Variants in NSRP1 observed in about 807,000 individuals in gnomAD.
The protein encoded by NSRP1 is coiled-coil domain containing 55.
A neutral mutation model predicts 54.7 loss-of-function variants in NSRP1; 24 were observed. The observed-to-expected ratio is 0.44, with a 90% CI of 0.32 to 0.62. NSRP1 has a LOEUF of 0.62. Ranked by LOEUF, NSRP1 falls within the 20% of genes least tolerant of loss-of-function variation. The pLI is 0.06. For missense variants in NSRP1, 596 were observed against 651.2 expected, an observed-to-expected ratio of 0.92 and a Z score of 0.92; for synonymous variants, 210 against 213.8, an observed-to-expected ratio of 0.98 and a Z score of 0.15.
At chr17:30,155,573 TA>T (rs2143004915) in intron 2 of NSRP1, among the ~76,000 whole-genome samples, 1 of 152,306 alleles carries the variant, frequency 6.6e-6, no homozygotes, top group Non-Finnish European at 1.5e-5. Context: ...GGGGTCTCAC[TA>T]TATTGCCCAG....
chr17:30,157,721 A>G (rs528700227), intron 2 of NSRP1, among the ~76,000 whole-genome samples: 1 of 152,076 alleles, frequency 6.6e-6, no homozygotes, highest in East Asian at 1.9e-4. Context: ...TGTCCATGAG[A>G]TCAAGTTTTT....
At chr17:30,168,009 C>G (rs368260666) in intron 2 of NSRP1, 1 of 152,024 alleles carries the variant, frequency 6.6e-6, no homozygotes. Context: ...CATAGGACAC[C>G]GTTCAATATT....
chr17:30,180,026 G>T (rs141843099), intron 5 of NSRP1, among the ~76,000 whole-genome samples: 2 of 151,874 alleles, frequency 1.3e-5, no homozygotes, highest in East Asian at 1.9e-4. Context: ...TTGTAGAGAC[G>T]GGGTCTCACT....
intron 2 of NSRP1, among the ~76,000 whole-genome samples, chr17:30,164,083 A>T (rs1383372397): frequency 6.6e-6 from 1 of 152,266 alleles, no homozygotes; most frequent in Admixed American, 6.5e-5. Flanking sequence ...TAGACCAGTC[A>T]CTTTCTTCCC....
chr17:30,118,405 C>T (rs766726851), intron 2 of NSRP1, among the ~76,000 whole-genome samples: 1 of 152,076 alleles, frequency 6.6e-6, no homozygotes, highest in Non-Finnish European at 1.5e-5. Flanking sequence ...TCTTTTCAGA[C>T]TACTGAAATT....
chr17:30,160,148 T>C (rs1904464232), intron 2 of NSRP1, among the ~76,000 whole-genome samples: 2 of 152,226 alleles, frequency 1.3e-5, no homozygotes, highest in Admixed American at 1.3e-4. Context: ...CAGGGATAAA[T>C]CCCACTTGAT....
rs572377089 is a variant in NSRP1, at chr17:30,161,195, T to C, written c.115-11347T>C. 3.0e-4 allele frequency among the ~76,000 whole-genome samples: 45 copies of C among 152,370 alleles called. No homozygotes were observed. In the South Asian group the frequency reaches 8.5e-3, roughly 29 times the overall value. ...CAACTAAACTGGCTATAAACATTTG[T>C]ATACAATTCTTTATGTGTACATAGG... On this transcript the variant is annotated intron_variant, in intron 2 of 6. Coordinates refer to ENST00000247026, the MANE Select transcript of NSRP1 (RefSeq NM_032141.4).
intron 2 of NSRP1, among the ~76,000 whole-genome samples, chr17:30,159,110 A>G (rs1255789713): frequency 1.3e-5 from 2 of 151,994 alleles, no homozygotes; most frequent in African/African-American, 2.4e-5. Context: ...ATGTCTTTCC[A>G]TTTTTTTGTG....
At chr17:30,153,403 A>G (rs535709117) in intron 2 of NSRP1, among the ~76,000 whole-genome samples, 2 of 151,992 alleles carry the variant, frequency 1.3e-5, no homozygotes, top group Non-Finnish European at 2.9e-5. Flanking sequence ...AATTTTGGTC[A>G]TTATCCCAAA....
intron 2 of NSRP1, among the ~76,000 whole-genome samples, chr17:30,143,197 C>G (rs2143002088): frequency 6.6e-6 from 1 of 152,184 alleles, no homozygotes. Flanking sequence ...TGTTGTCAGA[C>G]AGAAAGCAAT....
intron 2 of NSRP1, among the ~76,000 whole-genome samples, chr17:30,162,276 C>A (rs1003227344): frequency 6.6e-6 from 1 of 152,166 alleles, no homozygotes; most frequent in Non-Finnish European, 1.5e-5. Flanking sequence ...ATGATCCACC[C>A]GCCTTGGCCT....
intron 2 of NSRP1, chr17:30,128,187 A>T (rs149392821): frequency 0.022 from 3,514 of 163,294 alleles, 132 homozygotes; most frequent in African/African-American, 0.082. Flanking sequence ...TATATATATA[A>T]AATTATATAT....
intron 2 of NSRP1, among the ~76,000 whole-genome samples, chr17:30,151,493 T>G (rs2071909654): frequency 6.6e-6 from 1 of 152,182 alleles, no homozygotes; most frequent in African/African-American, 2.4e-5. Flanking sequence ...AAGGAAGATA[T>G]ATAATAAAAT....
At chr17:30,118,051 AATTTCT>A (rs2071558877) in intron 1 of NSRP1, 23 bp from the exon 2 acceptor site, 2 of 1,544,756 alleles carry the variant, frequency 1.3e-6, no homozygotes, top group African/African-American at 2.7e-5. Flanking sequence ...ATAAAGGTTT[AATTTCT>A]ATTTCAAAAA....
chr17:30,128,814 GA>G (rs992417239), intron 2 of NSRP1, among the ~76,000 whole-genome samples: 2 of 151,528 alleles, frequency 1.3e-5, no homozygotes, highest in African/African-American at 2.4e-5. Context: ...AACATTTAGT[GA>G]AAAAATATAT....
intron 2 of NSRP1, among the ~76,000 whole-genome samples, chr17:30,138,463 C>T (rs1035397660): frequency 6.6e-6 from 1 of 152,064 alleles, no homozygotes; most frequent in Non-Finnish European, 1.5e-5. Flanking sequence ...GCACGTTCTC[C>T]CATATACTTT....
At chr17:30,123,696 T>C (rs901151502) in intron 2 of NSRP1, among the ~76,000 whole-genome samples, 2 of 152,160 alleles carry the variant, frequency 1.3e-5, no homozygotes, top group Non-Finnish European at 2.9e-5. Context: ...TTTTAGTCCT[T>C]GAGTTTAGGT....
chr17:30,149,440 T>A (rs9902340), intron 2 of NSRP1, among the ~76,000 whole-genome samples: 1 of 151,994 alleles, frequency 6.6e-6, no homozygotes, highest in Non-Finnish European at 1.5e-5. Context: ...TTTGTTATCA[T>A]AGAGGAGTAA....
intron 6 of NSRP1, among the ~76,000 whole-genome samples, chr17:30,182,015 G>A (rs1327632987): frequency 6.8e-6 from 1 of 147,674 alleles, no homozygotes; most frequent in East Asian, 2.0e-4. Context: ...CCAAAGTGCT[G>A]GGATTACAGG....
Sources: allele counts gnomAD v4.1 joint callset (sites outside exome capture counted in the v4.1 genomes callset), GRCh38; gene constraint gnomAD v4.1.1; transcripts MANE v1.5; gene names NCBI Gene and HGNC (gene_info 2026-07-23, HGNC 2026-07-21).